CSTF3: variants seen among roughly 807,000 people sequenced by gnomAD.
CSTF3 encodes the protein CF-1 77 kDa subunit.
In CSTF3, 29 loss-of-function variants were observed where a neutral mutation model predicts 105.8. The ratio of observed to expected loss-of-function variants is 0.27; its 90% CI spans 0.20 to 0.37. The LOEUF is 0.37. CSTF3 is among the 10% of genes least tolerant of loss of function. The probability of loss-of-function intolerance (pLI) is 1.00; values close to 1 mark genes in which losing one functional copy is unlikely to be tolerated. For synonymous variants in CSTF3, 252 were observed against 281.9 expected, an observed-to-expected ratio of 0.89 and a Z score of 1.06; for missense variants, 357 against 879.3, an observed-to-expected ratio of 0.41 and a Z score of 7.51.
chr11:33,140,506 T>G lies in CSTF3; in HGVS notation c.225+1161A>C, dbSNP rs1855699169. 1.4e-4 allele frequency among the ~76,000 whole-genome samples: 21 copies of G among 151,998 alleles called. 1 individual carries two copies. Among genetic ancestry groups the G allele is most frequent in the Admixed American group, 1.4e-3 (21 of 15,248 alleles). ...AGTAATTTCCCTCCCCACCAAGTAA[T>G]ACAATCTAAACTATAGCACAAATAC... On this transcript the variant is annotated intron_variant, in intron 3 of 20. Transcript: ENST00000323959.
intron 9 of CSTF3, 56 bp downstream of exon 9, chr11:33,103,051 T>C (rs1340013467): frequency 8.8e-6 from 10 of 1,133,274 alleles, no homozygotes; most frequent in Non-Finnish European, 1.3e-5. Context: ...GGGAAAGCTC[T>C]GCTGTAAACA....
chr11:33,138,774 T>G (rs1213022730), intron 3 of CSTF3, among the ~76,000 whole-genome samples: 37 of 151,734 alleles, frequency 2.4e-4, no homozygotes. Flanking sequence ...GAATAAAGAG[T>G]AGAACAATGT....
intron 3 of CSTF3, among the ~76,000 whole-genome samples, chr11:33,127,210 T>C (rs553560091): frequency 7.9e-5 from 12 of 152,322 alleles, no homozygotes; most frequent in Non-Finnish European, 1.6e-4. Context: ...ATTTTTATAC[T>C]TGTGGGTATC....
chr11:33,128,214 T>A (rs1217921138), intron 3 of CSTF3, among the ~76,000 whole-genome samples: 1 of 152,138 alleles, frequency 6.6e-6, no homozygotes, highest in East Asian at 1.9e-4. Flanking sequence ...TTAGGAAATG[T>A]TTTTCCCCCT....
chr11:33,135,199 C>G (rs534536632), intron 3 of CSTF3, among the ~76,000 whole-genome samples: 3 of 152,234 alleles, frequency 2.0e-5, no homozygotes, highest in South Asian at 4.1e-4. Flanking sequence ...AAAACGGTTA[C>G]AGTTAAAACA....
chr11:33,115,817 T>G (rs1451000902), intron 3 of CSTF3, among the ~76,000 whole-genome samples: 1 of 152,182 alleles, frequency 6.6e-6, no homozygotes, highest in African/African-American at 2.4e-5. Context: ...AGTTCATGCC[T>G]ATATCTCAGC....
chr11:33,155,746 CCA>C (rs1849857429), intron 1 of CSTF3, among the ~76,000 whole-genome samples: 1 of 152,056 alleles, frequency 6.6e-6, no homozygotes, highest in Non-Finnish European at 1.5e-5. Flanking sequence ...CACACCATTA[CCA>C]ACTGTCCAAC....
chr11:33,092,027 T>C (rs1040842928), intron 16 of CSTF3, among the ~76,000 whole-genome samples: 17 of 152,188 alleles, frequency 1.1e-4, no homozygotes, highest in African/African-American at 4.1e-4. Context: ...GGATATATAG[T>C]ATACAAGAAA....
intron 4 of CSTF3, 43 bp from the exon 5 acceptor site, chr11:33,108,043 T>A (rs779443450): frequency 1.5e-5 from 19 of 1,265,136 alleles, no homozygotes; most frequent in Non-Finnish European, 2.0e-5. Flanking sequence ...GTTAAATAAA[T>A]TTCACATGGA....
At chr11:33,108,704 T>C (rs112996637) in intron 3 of CSTF3, among the ~76,000 whole-genome samples, 3 of 152,202 alleles carry the variant, frequency 2.0e-5, no homozygotes, top group African/African-American at 7.2e-5. Flanking sequence ...AATATACACA[T>C]ACCCGATAGG....
chr11:33,147,158 G>A lies in CSTF3; in HGVS notation c.28-5172C>T, dbSNP rs539317690. ...CAAAACAAAAACAACTTAGCCAGGC[G>A]TGGTGGCAGGCACCTGCAGTCCTAG... On this transcript the variant is annotated intron_variant, in intron 1 of 20. Coordinates refer to ENST00000323959, the MANE Select transcript of CSTF3 (RefSeq NM_001326.3). Among the ~76,000 whole-genome samples the A allele has an allele frequency of 5.8e-4, 88 of 151,872 alleles. 1 individual carries two copies. The highest frequency in any genetic ancestry group is 1.1e-3 in the Non-Finnish European group (75 of 67,934).
intron 1 of CSTF3, among the ~76,000 whole-genome samples, chr11:33,160,736 A>C (rs933425139): frequency 1.3e-5 from 2 of 152,234 alleles, no homozygotes; most frequent in East Asian, 3.8e-4. Flanking sequence ...ATGTTTATGT[A>C]GCTGGAAAAA....
chr11:33,099,568 C>A lies in CSTF3; in HGVS notation c.936+40G>T. ...CAGTAAATAATTGCTATATCAAAAC[C>A]ACAAAAATATCAAAGTGGGGATAGG... On this transcript the variant is annotated intron_variant, in intron 11 of 20. Transcript: ENST00000323959. This position sits in a 1 kb window ranked among gnomAD's most constrained non-coding sequence, Gnocchi z 4.1. The A allele has an allele frequency of 1.5e-6, 2 of 1,353,452 alleles. No homozygotes were observed. The highest frequency in any genetic ancestry group is 1.3e-5 in the South Asian group (1 of 78,198). 83.8% of individuals were successfully genotyped at this position (1,353,452 alleles called of 1,614,324 possible).
intron 1 of CSTF3, among the ~76,000 whole-genome samples, chr11:33,153,606 G>C (rs1324073154): frequency 6.6e-6 from 1 of 151,050 alleles, no homozygotes; most frequent in Admixed American, 6.6e-5. Context: ...CCAATGCACT[G>C]CAGCCTGGGC....
chr11:33,130,581 T>C (rs953724659), intron 3 of CSTF3, among the ~76,000 whole-genome samples: 1 of 152,242 alleles, frequency 6.6e-6, no homozygotes, highest in Admixed American at 6.5e-5. Flanking sequence ...AACTGTTTAA[T>C]AAGCAGGTAT....
At chr11:33,116,315 T>G (rs1044372969) in intron 3 of CSTF3, among the ~76,000 whole-genome samples, 1 of 152,176 alleles carries the variant, frequency 6.6e-6, no homozygotes, top group Non-Finnish European at 1.5e-5. Flanking sequence ...ATGACCCAGT[T>G]GAAAACATAA....
chr11:33,126,807 T>C (rs879642138), intron 3 of CSTF3, among the ~76,000 whole-genome samples: 2 of 152,218 alleles, frequency 1.3e-5, no homozygotes, highest in Admixed American at 6.5e-5. Flanking sequence ...CCAAGCATTA[T>C]TGTAGCTTCC....
At chr11:33,149,149 G>A (rs1436410683) in intron 1 of CSTF3, among the ~76,000 whole-genome samples, 1 of 152,164 alleles carries the variant, frequency 6.6e-6, no homozygotes, top group African/African-American at 2.4e-5. Flanking sequence ...TTCAGTTAGC[G>A]ATTAGTGAAA....
At chr11:33,112,315 A>G (rs569227579) in intron 3 of CSTF3, among the ~76,000 whole-genome samples, 1 of 152,158 alleles carries the variant, frequency 6.6e-6, no homozygotes, top group Non-Finnish European at 1.5e-5. Flanking sequence ...GACAAAATGA[A>G]AAGAATTTGA....
Sources: allele counts gnomAD v4.1 joint callset (sites outside exome capture counted in the v4.1 genomes callset), GRCh38; gene constraint gnomAD v4.1.1; non-coding constraint Gnocchi (gnomAD v3.1); transcripts MANE v1.5; gene names NCBI Gene and HGNC (gene_info 2026-07-23, HGNC 2026-07-21).